CEP152: variants seen among roughly 807,000 people sequenced by gnomAD.
CEP152 encodes the protein centrosomal protein 152.
Under a neutral mutation model 188.9 loss-of-function variants are expected in CEP152, and 132 were observed. That is an observed-to-expected ratio of 0.70 (90% confidence interval 0.61 to 0.81). The LOEUF is 0.81. Among genes scored for constraint, CEP152 ranks in the 30% least tolerant of loss-of-function variants. The pLI is 0.00. For missense variants in CEP152, 1,914 were observed against 1,969.8 expected (o/e 0.97, Z 0.54); for synonymous variants, 649 against 666.6 (o/e 0.97, Z 0.41).
At chr15:48,767,313 C>G (rs557943949) in intron 16 of CEP152, 22 bp downstream of exon 16, 1 of 1,614,132 alleles carries the variant, frequency 6.2e-7, no homozygotes, top group South Asian at 1.1e-5. Context: ...GCTTAAAAGG[C>G]AGCTAAACTC....
intron 26 of CEP152, chr15:48,740,965 A>C (rs1198565377): frequency 1.1e-6 from 1 of 921,466 alleles, no homozygotes; most frequent in Non-Finnish European, 1.3e-6. Flanking sequence ...TAGGCCCTCT[A>C]TTTCTCCTGG....
chr15:48,760,404 C>A, intron 18 of CEP152, 138 bp from the exon 19 acceptor site: 1 of 979,628 alleles, frequency 1.0e-6, no homozygotes, highest in Non-Finnish European at 1.6e-6. Context: ...TGCAAGTACC[C>A]TACCTATCCC....
chr15:48,778,178 G>C (rs986971825), intron 12 of CEP152, among the ~76,000 whole-genome samples: 2 of 152,176 alleles, frequency 1.3e-5, no homozygotes, highest in African/African-American at 4.8e-5. Context: ...AGAACATTGA[G>C]GCTAAACCCT....
chr15:48,756,511 C>T lies in CEP152; in HGVS notation c.2737G>A (p.Glu913Lys). Residue 913 changes from glutamate to lysine, a missense_variant, in exon 20 of 27, where the codon GAG (glutamate) becomes AAG (lysine). Coordinates refer to ENST00000380950, the MANE Select transcript of CEP152 (RefSeq NM_001194998.2). ...VSEAKEKWKS[E>K]LENMRKNILP... ...ATATTTTTCCTCATATTTTCAAGCT[C>T]ACTCTTCCATTTCTCTTTAGCTTCA... 6.2e-7 allele frequency: 1 copy of T among 1,609,916 alleles called. No homozygotes were observed. Among genetic ancestry groups the T allele is most frequent in the Non-Finnish European group, 8.5e-7 (1 of 1,179,878 alleles).
intron 2 of CEP152, 105 bp downstream of exon 2, chr15:48,805,458 A>G: frequency 1.4e-6 from 2 of 1,437,634 alleles, no homozygotes; most frequent in South Asian, 2.6e-5. Context: ...TAAAAAATCC[A>G]AATCCCTTCA....
At chr15:48,764,449 T>C (rs1894907293) in intron 17 of CEP152, among the ~76,000 whole-genome samples, 1 of 152,220 alleles carries the variant, frequency 6.6e-6, no homozygotes, top group South Asian at 2.1e-4. Flanking sequence ...GTCTCCAAGT[T>C]AAAACATGAA....
intron 2 of CEP152, among the ~76,000 whole-genome samples, chr15:48,803,787 C>CT (rs1370230173): frequency 6.6e-6 from 1 of 152,184 alleles, no homozygotes; most frequent in East Asian, 1.9e-4. Context: ...ACCTATCTCT[C>CT]TAATATATTT....
At chr15:48,766,120 A>T (rs1895070506) in intron 17 of CEP152, among the ~76,000 whole-genome samples, 1 of 152,156 alleles carries the variant, frequency 6.6e-6, no homozygotes, top group Non-Finnish European at 1.5e-5. Context: ...TTTTTCCACT[A>T]GATGATATGT....
At chr15:48,736,933 T>C (rs1391244064), downstream of CEP152, among the ~76,000 whole-genome samples, 1 of 152,200 alleles carries the variant, frequency 6.6e-6, no homozygotes, top group Non-Finnish European at 1.5e-5. Context: ...AGAGTTTTTT[T>C]CTAGAGTGAG....
chr15:48,731,690 T>C (rs566768910), intron 2 of CEP152, among the ~76,000 whole-genome samples: 1 of 152,244 alleles, frequency 6.6e-6, no homozygotes, highest in African/African-American at 2.4e-5. Context: ...ACAAATGGGA[T>C]CTAATTAAGC....
rs201655910 is a variant in CEP152, at chr15:48,755,884, C to T, written c.3345+19G>A. 5.7e-5 allele frequency: 92 copies of T among 1,612,856 alleles called. No homozygotes were observed. Among genetic ancestry groups the T allele is most frequent in the Non-Finnish European group, 7.6e-5 (90 of 1,179,844 alleles). On this transcript the variant is annotated intron_variant, in intron 20 of 26. Coordinates refer to ENST00000380950, the MANE Select transcript of CEP152 (RefSeq NM_001194998.2). ...TCATTCTTGGTGTTCAATACCTTCTCTCACTCTCAGGAACATACCTTTTTC... is the reference window on the plus strand; with the variant it reads ...TCATTCTTGGTGTTCAATACCTTCTTTCACTCTCAGGAACATACCTTTTTC...
rs745853068 is a variant in CEP152 at position 48,769,046 on chromosome 15, T to A, written c.1818A>T (p.Gln606His). Residue 606 changes from glutamine to histidine, a missense_variant, in exon 14 of 27, where the codon CAA becomes CAT. Coordinates refer to ENST00000380950, the MANE Select transcript of CEP152 (RefSeq NM_001194998.2). ...KTDTSEKPKNQLWPESSTSDV... is the reference protein window; with the variant it reads ...KTDTSEKPKNHLWPESSTSDV... ...CAGAAGTAGAAGACTCAGGCCATAA[T>A]TGATTCTTTGGTTTTTCTGAGGTAT... is the stretch of plus-strand genomic sequence containing the variant. 74 of 1,605,708 alleles carry A rather than the reference T, an allele frequency of 4.6e-5. No homozygotes were observed. The Admixed American group carries it at 1.2e-3, about 27-fold the overall frequency.
rs755204103 is a variant in CEP152 at position 48,739,310 on chromosome 15, G to A, written c.4094-22C>T. On this transcript the variant is annotated intron_variant, in intron 26 of 26. Coordinates refer to ENST00000380950, the MANE Select transcript of CEP152 (RefSeq NM_001194998.2). Reference sequence around the variant, plus strand: ...AGTGCTATTATGTGCAAGGAAACACGAAATTAAGAGAAAATTAATATTTAA... The same window carrying A: ...AGTGCTATTATGTGCAAGGAAACACAAAATTAAGAGAAAATTAATATTTAA... 27 of 1,575,782 alleles carry A rather than the reference G, an allele frequency of 1.7e-5. No individual in the cohort carries two copies. In the Admixed American group the frequency reaches 2.1e-4, roughly 12 times the overall value.
At position 48,784,130 on chromosome 15, in the gene CEP152, A is replaced by G. The variant is rs776786207; in HGVS notation, c.1174-10T>C. On this transcript the variant is annotated splice_polypyrimidine_tract_variant and intron_variant, in intron 9 of 26. Transcript: ENST00000380950. ...GAGAGCAAATGTCTTCCTAAATAGA[A>G]AAAAAGTTCAGGAAGTCATTTTCAT... The G allele has an allele frequency of 6.2e-7, 1 of 1,610,890 alleles. No individual in the cohort carries two copies. Among genetic ancestry groups the G allele is most frequent in the South Asian group, 1.1e-5 (1 of 90,734 alleles).
In CEP152 at chr15:48,755,895, G is replaced by A. The variant is rs2140665375; in HGVS notation, c.3345+8C>T. 2 of 1,613,184 alleles carry A rather than the reference G, an allele frequency of 1.2e-6. No individual in the cohort carries two copies. Among genetic ancestry groups the A allele is most frequent in the South Asian group, 1.1e-5 (1 of 91,016 alleles). ...GTTCAATACCTTCTCTCACTCTCAG[G>A]AACATACCTTTTTCCATTCTGGGTC... is the stretch of plus-strand genomic sequence containing the variant. On this transcript the variant is annotated splice_region_variant and intron_variant, in intron 20 of 26. Coordinates refer to ENST00000380950, the MANE Select transcript of CEP152 (RefSeq NM_001194998.2).
At chr15:48,781,110 C>T (rs1182567698) in intron 12 of CEP152, 86 bp downstream of exon 12, 25 of 1,164,164 alleles carry the variant, frequency 2.1e-5, no homozygotes, top group East Asian at 1.9e-4. Flanking sequence ...GAAAATAATA[C>T]GCTCTCACCT....
chr15:48,741,675 C>T lies in CEP152; in HGVS notation c.4019G>A (p.Ser1340Asn). ...TAATTTTGCCATTGTAGCAAGTTTG[C>T]TAGCAGCATTCATAATCTTTTTCTC... is the stretch of plus-strand genomic sequence containing the variant. Reference protein sequence around the residue: ...GAEKKIMNAASKLATMAKLLE... With the variant: ...GAEKKIMNAANKLATMAKLLE... Residue 1340 changes from serine (S) to asparagine (N), a missense_variant, in exon 26 of 27, where the codon AGC (serine) becomes AAC (asparagine). By Grantham distance (46) the Ser-to-Asn change is conservative. Transcript: ENST00000380950. 6.2e-7 allele frequency: 1 copy of T among 1,614,092 alleles called. No homozygotes were observed. The highest frequency in any genetic ancestry group is 8.5e-7 in the Non-Finnish European group (1 of 1,180,018).
At chr15:48,805,723 A>G in intron 1 of CEP152, 67 bp from the exon 2 acceptor site, 2 of 1,599,972 alleles carry the variant, frequency 1.3e-6, no homozygotes, top group Non-Finnish European at 1.7e-6. Context: ...AAACTACATA[A>G]GAGATGCCAT....
chr15:48,732,786 C>T (rs1272002993), intron 2 of CEP152, among the ~76,000 whole-genome samples: 1 of 151,798 alleles, frequency 6.6e-6, no homozygotes, highest in African/African-American at 2.4e-5. Context: ...GTAATAGCTG[C>T]TTTGTAGCTA....
Sources: gnomAD v4.1 joint callset for allele counts (sites outside exome capture counted in the v4.1 genomes callset) on GRCh38, gnomAD v4.1.1 for gene constraint, MANE v1.5 for transcripts, NCBI Gene and HGNC (gene_info 2026-07-23, HGNC 2026-07-21) for gene names.